Variants in IQUB observed in about 807,000 individuals in gnomAD.
IQUB encodes IQ motif and ubiquitin domain containing.
A neutral mutation model predicts 86.4 loss-of-function variants in IQUB; 86 were observed. The observed-to-expected ratio is 1.00, with a 90% confidence interval of 0.84 to 1.19. IQUB has a LOEUF of 1.19. IQUB is among the 50% of genes most tolerant of loss of function. The pLI is 0.00. For synonymous variants in IQUB, 289 were observed against 304.5 expected, an observed-to-expected ratio of 0.95 and a Z score of 0.53; for missense variants, 946 against 916.9, an observed-to-expected ratio of 1.03 and a Z score of -0.41.
rs1439525678 is a variant in IQUB at position 123,479,858 on chromosome 7, C to T, written c.1347G>A (p.Gly449=). ...CCATATAAGCAATGTATCTATGTCT[C>T]CCAATGGAAGCAATTATCTGAGTCT... is the stretch of plus-strand genomic sequence containing the variant. ...EKETQIIASI[G]RHRYIAYMAN... is the part of the protein sequence containing the mutation. The change falls in exon 8 of 13, where the codon GGG becomes GGA. Residue 449 remains glycine (G), a synonymous_variant. Coordinates refer to ENST00000324698, the MANE Select transcript of IQUB (RefSeq NM_178827.5). 6.2e-7 allele frequency: 1 copy of T among 1,613,022 alleles called. No homozygotes were observed. Among genetic ancestry groups the T allele is most frequent in the Non-Finnish European group, 8.5e-7 (1 of 1,179,412 alleles).
intron 8 of IQUB, among the ~76,000 whole-genome samples, chr7:123,478,943 C>T (rs573613127): frequency 7.2e-5 from 11 of 152,152 alleles, no homozygotes; most frequent in Non-Finnish European, 1.6e-4. Context: ...TTAAAGGGAT[C>T]TGGCATGGAA....
chr7:123,453,737 C>T (rs543962303), intron 12 of IQUB, among the ~76,000 whole-genome samples: 21 of 152,246 alleles, frequency 1.4e-4, no homozygotes, highest in Non-Finnish European at 3.1e-4. Flanking sequence ...ACTAAACCCA[C>T]ATTTGATTAA....
intron 1 of IQUB, among the ~76,000 whole-genome samples, chr7:123,515,784 G>C (rs2117285517): frequency 6.6e-6 from 1 of 152,328 alleles, no homozygotes; most frequent in Non-Finnish European, 1.5e-5. Flanking sequence ...ATAAAGACAA[G>C]TGGTACACAC....
chr7:123,506,811 CAT>C (rs2117229993), intron 3 of IQUB, among the ~76,000 whole-genome samples: 1 of 152,240 alleles, frequency 6.6e-6, no homozygotes, highest in East Asian at 1.9e-4. Flanking sequence ...ATCAGAAACT[CAT>C]ATAAATTAAT....
intron 8 of IQUB, among the ~76,000 whole-genome samples, chr7:123,469,960 C>T (rs1284522679): frequency 6.6e-6 from 1 of 152,160 alleles, no homozygotes; most frequent in African/African-American, 2.4e-5. Flanking sequence ...TGGTTCCTGC[C>T]TCCCTGATGC....
rs1253465780 is a variant in IQUB at position 123,512,277 on chromosome 7, C to T, written c.64G>A (p.Asp22Asn). The change falls in exon 2 of 13, where the codon GAT becomes AAT. Residue 22 changes from aspartate (D) to asparagine (N), a missense_variant. Coordinates refer to ENST00000324698, the MANE Select transcript of IQUB (RefSeq NM_178827.5). ...NIVNSTEESDDAFDTVTIPVP... is the reference protein window; with the variant it reads ...NIVNSTEESDNAFDTVTIPVP... ...GGAATAGTGACAGTATCAAAAGCAT[C>T]ATCACTCTCTTCTGTTGAATTGACT... 1 of 1,610,982 alleles carries T rather than the reference C, an allele frequency of 6.2e-7. No individual in the cohort carries two copies. Among genetic ancestry groups the T allele is most frequent in the Non-Finnish European group, 8.5e-7 (1 of 1,177,326 alleles).
intron 6 of IQUB, among the ~76,000 whole-genome samples, chr7:123,500,454 G>C (rs2117190936): frequency 6.6e-6 from 1 of 152,084 alleles, no homozygotes; most frequent in Middle Eastern, 3.4e-3. Context: ...AAATGAAATA[G>C]CAAGAATGAG....
chr7:123,478,668 G>A (rs1794856939), intron 8 of IQUB, among the ~76,000 whole-genome samples: 1 of 152,068 alleles, frequency 6.6e-6, no homozygotes, highest in African/African-American at 2.4e-5. Flanking sequence ...GATTTGAGGA[G>A]GTATTAAACA....
chr7:123,456,037 A>G (rs1793681366), intron 12 of IQUB, among the ~76,000 whole-genome samples: 1 of 152,144 alleles, frequency 6.6e-6, no homozygotes, highest in Non-Finnish European at 1.5e-5. Flanking sequence ...TCTGCAAGAT[A>G]TAAACTACTC....
intron 7 of IQUB, among the ~76,000 whole-genome samples, chr7:123,486,706 T>C (rs1374418864): frequency 6.6e-6 from 1 of 152,170 alleles, no homozygotes; most frequent in Non-Finnish European, 1.5e-5. Context: ...CTTGACTGTT[T>C]TACAGATTTC....
intron 3 of IQUB, among the ~76,000 whole-genome samples, chr7:123,503,985 A>G (rs1038950232): frequency 6.6e-6 from 1 of 152,202 alleles, no homozygotes; most frequent in African/African-American, 2.4e-5. Context: ...TATGAGCAGA[A>G]TAATATGCTA....
chr7:123,484,976 A>G (rs559230249), intron 7 of IQUB, among the ~76,000 whole-genome samples: 3 of 152,210 alleles, frequency 2.0e-5, no homozygotes, highest in South Asian at 2.1e-4. Context: ...ACTGATTTTT[A>G]TCTAATCTGA....
At chr7:123,461,703 T>A in intron 10 of IQUB, 98 bp from the exon 11 acceptor site, 1 of 1,053,864 alleles carries the variant, frequency 9.5e-7, no homozygotes, top group Non-Finnish European at 1.3e-6. Flanking sequence ...AACTTACTTA[T>A]CTTAGAATGA....
chr7:123,474,977 G>A (rs933084165), intron 8 of IQUB, among the ~76,000 whole-genome samples: 1 of 152,104 alleles, frequency 6.6e-6, no homozygotes, highest in Non-Finnish European at 1.5e-5. Flanking sequence ...TCAATTCTCT[G>A]CCTTTCACCT....
chr7:123,503,716 T>G (rs571925321), intron 3 of IQUB, among the ~76,000 whole-genome samples: 1 of 151,872 alleles, frequency 6.6e-6, no homozygotes, highest in African/African-American at 2.4e-5. Flanking sequence ...ACACATATCA[T>G]TTAATTATTA....
At chr7:123,491,730 T>C (rs1795474934) in intron 7 of IQUB, among the ~76,000 whole-genome samples, 1 of 152,208 alleles carries the variant, frequency 6.6e-6, no homozygotes, top group South Asian at 2.1e-4. Flanking sequence ...CTAGTTGGTG[T>C]CACTGTTGAA....
chr7:123,520,198 T>G (rs1194063537), intron 1 of IQUB, among the ~76,000 whole-genome samples: 3 of 152,186 alleles, frequency 2.0e-5, no homozygotes, highest in Non-Finnish European at 2.9e-5. Flanking sequence ...TAGTTGTTAC[T>G]TGCCCATTTT....
intron 1 of IQUB, among the ~76,000 whole-genome samples, chr7:123,527,320 A>G (rs775152662): frequency 6.6e-6 from 1 of 152,188 alleles, no homozygotes; most frequent in African/African-American, 2.4e-5. Context: ...CAGCTCGTCA[A>G]AGTCATTCTC....
At chr7:123,505,934 C>G (rs946750670) in intron 3 of IQUB, among the ~76,000 whole-genome samples, 2 of 152,200 alleles carry the variant, frequency 1.3e-5, no homozygotes, top group Non-Finnish European at 2.9e-5. Context: ...TTCAGATCAT[C>G]TCCTTGCTCA....
Sources: allele counts gnomAD v4.1 joint callset (sites outside exome capture counted in the v4.1 genomes callset), GRCh38; gene constraint gnomAD v4.1.1; transcripts MANE v1.5; gene names NCBI Gene and HGNC (gene_info 2026-07-23, HGNC 2026-07-21).